CR1L: variants seen among roughly 807,000 people sequenced by gnomAD.
CR1L encodes the protein complement component receptor 1-like protein.
In CR1L, 59 loss-of-function variants were observed where a neutral mutation model predicts 62.3. That is an observed-to-expected ratio of 0.95 (90% CI 0.77 to 1.18). CR1L has a LOEUF of 1.18. CR1L is among the 50% of genes most tolerant of loss of function. CR1L has a pLI of 0.00. For missense variants in CR1L, 700 were observed against 702.8 expected (o/e 1.00, Z 0.04); for synonymous variants, 279 against 248.7 (o/e 1.12, Z -1.15).
At chr1:207,718,308 T>C (rs946376899) in intron 11 of CR1L, among the ~76,000 whole-genome samples, 3 of 152,188 alleles carry the variant, frequency 2.0e-5, no homozygotes, top group African/African-American at 7.2e-5. Context: ...TATATTACTC[T>C]GGCTTTAAAC....
chr1:207,669,441 G>T, intron 1 of CR1L: 1 of 1,344,452 alleles, frequency 7.4e-7, no homozygotes. Context: ...TGTGCTTCGG[G>T]AGGATGGGGG....
At chr1:207,701,492 G>C (rs760066964) in intron 8 of CR1L, 27 bp from the exon 9 acceptor site, 2 of 1,612,806 alleles carry the variant, frequency 1.2e-6, no homozygotes, top group African/African-American at 2.7e-5. Flanking sequence ...TACTCTACCT[G>C]GCTCCAAAAC....
At position 207,704,927 on chromosome 1, in the gene CR1L, T is replaced by C. The variant is rs12071509; in HGVS notation, c.1329-3251T>C. Among the ~76,000 whole-genome samples, 1,063 of 152,280 alleles carry C rather than the reference T, an allele frequency of 7.0e-3. 10 individuals carry two copies. The highest frequency in any genetic ancestry group is 0.024 in the African/African-American group (991 of 41,536). ...TTTGAGGAATGTCTGTAACACAAAATGGGTGGCTTAATACAACAGAAGTTT... is the reference window on the plus strand; with the variant it reads ...TTTGAGGAATGTCTGTAACACAAAACGGGTGGCTTAATACAACAGAAGTTT... On this transcript the variant is annotated intron_variant, in intron 9 of 11. Coordinates refer to ENST00000508064, the MANE Select transcript of CR1L (RefSeq NM_175710.2).
chr1:207,697,997 A>C, intron 7 of CR1L, 124 bp downstream of exon 7: 105 of 1,248,968 alleles, frequency 8.4e-5, no homozygotes, highest in South Asian at 5.0e-4. Flanking sequence ...CACACACACA[A>C]TCAGAGAGAT....
Position 207,710,317 on chromosome 1 carries a change from T to A in CR1L, c.1414+2054T>A, listed in dbSNP as rs1177106768. ...ATGATCGTGCCACTGCACTCCAGCC[T>A]GGGCGACAGAGCAAGACTCTGTCCC... is the stretch of plus-strand genomic sequence containing the variant. On this transcript the variant is annotated intron_variant, in intron 10 of 11. Coordinates refer to ENST00000508064, the MANE Select transcript of CR1L (RefSeq NM_175710.2). 3.0e-6 allele frequency: 3 copies of A among 1,004,838 alleles called. No individual in the cohort carries two copies. The African/African-American group carries it at 4.7e-5, about 16-fold the overall frequency. The allele number at this position is 1,004,838 out of a possible 1,614,324, so 62.2% of individuals were successfully genotyped here. A position where few individuals can be genotyped will look rare whatever the true frequency, so the allele number is the denominator to read the frequency against.
chr1:207,710,500 A>G, intron 10 of CR1L: 1 of 1,607,656 alleles, frequency 6.2e-7, no homozygotes, highest in Non-Finnish European at 8.5e-7. Flanking sequence ...GCAGAGGGAG[A>G]AAGGTGTTTG....
intron 10 of CR1L, among the ~76,000 whole-genome samples, chr1:207,715,984 C>G (rs3860294): frequency 6.6e-6 from 1 of 152,012 alleles, no homozygotes; most frequent in Non-Finnish European, 1.5e-5. Flanking sequence ...TGTGAGCCAC[C>G]GTACCCAGCC....
intron 1 of CR1L, chr1:207,655,155 T>C (rs1188443878): frequency 1.0e-5 from 5 of 502,268 alleles, no homozygotes; most frequent in Non-Finnish European, 1.9e-5. Flanking sequence ...TATTAATTGC[T>C]ATACAAAACA....
chr1:207,657,079 C>A, intron 1 of CR1L: 1 of 624,334 alleles, frequency 1.6e-6, no homozygotes. Flanking sequence ...ACTAATGCTG[C>A]CTTAATCTTT....
At chr1:207,718,151 C>G (rs902305024) in intron 11 of CR1L, among the ~76,000 whole-genome samples, 2 of 152,106 alleles carry the variant, frequency 1.3e-5, no homozygotes, top group African/African-American at 4.8e-5. Context: ...GGGATTTATA[C>G]TTTTTATGTT....
At chr1:207,710,284 A>G in intron 10 of CR1L, 3 of 734,318 alleles carry the variant, frequency 4.1e-6, no homozygotes, top group Non-Finnish European at 7.0e-6. Flanking sequence ...TTGAGATTGC[A>G]GTGAGCCATG....
At chr1:207,710,404 C>G (rs1434273961) in intron 10 of CR1L, 2 of 1,536,948 alleles carry the variant, frequency 1.3e-6, no homozygotes, top group Admixed American at 1.7e-5. Context: ...GGCTACCCCC[C>G]AACATCACCA....
intron 11 of CR1L, among the ~76,000 whole-genome samples, chr1:207,720,674 A>G (rs750050030): frequency 1.3e-5 from 2 of 152,210 alleles, no homozygotes; most frequent in Non-Finnish European, 2.9e-5. Context: ...ATTAATACAT[A>G]TAACCCATAT....
chr1:207,704,599 G>C (rs1443943173), intron 9 of CR1L, among the ~76,000 whole-genome samples: 1 of 152,174 alleles, frequency 6.6e-6, no homozygotes, highest in Non-Finnish European at 1.5e-5. Context: ...AATAGCCACA[G>C]CCACCCCAGC....
chr1:207,700,549 A>C lies in CR1L; in HGVS notation c.1229-970A>C, dbSNP rs533357797. ...AAGTAAAAAAAGAAAATAAATCATC[A>C]ACAGACCTTGACATTTTCAAAAGCA... is the stretch of plus-strand genomic sequence containing the variant. On this transcript the variant is annotated intron_variant, in intron 8 of 11. Coordinates refer to ENST00000508064, the MANE Select transcript of CR1L (RefSeq NM_175710.2). Among the ~76,000 whole-genome samples, 114 of 152,340 alleles carry C rather than the reference A, an allele frequency of 7.5e-4. 1 individual carries two copies. The highest frequency in any genetic ancestry group is 6.6e-3 in the South Asian group (32 of 4,832).
At chr1:207,674,862 G>GT (rs67725956) in intron 1 of CR1L, among the ~76,000 whole-genome samples, 25,199 of 149,346 alleles carry the variant, frequency 0.17, 2,672 homozygotes, top group Non-Finnish European at 0.25. Flanking sequence ...TGTTTTATTC[G>GT]TGTTTTTTTT....
chr1:207,675,252 G>A (rs1465040731), intron 1 of CR1L, among the ~76,000 whole-genome samples: 2 of 147,922 alleles, frequency 1.4e-5, no homozygotes, highest in East Asian at 2.0e-4. Context: ...GAAAGGAAAA[G>A]GAAAGGGCCT....
intron 3 of CR1L, 128 bp downstream of exon 3, chr1:207,678,425 A>T: frequency 1.3e-6 from 1 of 763,132 alleles, no homozygotes; most frequent in Non-Finnish European, 2.1e-6. Context: ...GCTTCAACAC[A>T]GGTGCTTAGC....
At chr1:207,682,960 T>TTTTCTTTCTTTATTTC (rs1663823257) in intron 3 of CR1L, among the ~76,000 whole-genome samples, 1 of 140,082 alleles carries the variant, frequency 7.1e-6, no homozygotes, top group Admixed American at 7.0e-5. Flanking sequence ...TTATAAATCA[T>TTTTCTTTCTTTATTTC]TTTCTTTCTT....
Sources: gnomAD v4.1 joint callset for allele counts (sites outside exome capture counted in the v4.1 genomes callset) on GRCh38, gnomAD v4.1.1 for gene constraint, MANE v1.5 for transcripts, NCBI Gene and HGNC (gene_info 2026-07-23, HGNC 2026-07-21) for gene names.